AGBL1: variants seen among roughly 807,000 people sequenced by gnomAD.
The protein encoded by AGBL1 is AGBL carboxypeptidase 1, also known as cytosolic carboxypeptidase 4.
AGBL1 carries 130 observed loss-of-function variants against 118.9 expected under a neutral mutation model. The ratio of observed to expected loss-of-function variants is 1.09; its 90% CI spans 0.95 to 1.26. The LOEUF is 1.26. AGBL1 is among the 50% of genes most tolerant of loss of function. The pLI is 0.00. For synonymous variants in AGBL1, 555 were observed against 478.9 expected (o/e 1.16, Z -2.08); for missense variants, 1,584 against 1,298.1 (o/e 1.22, Z -3.38).
At chr15:86,095,568 T>C (rs534515244) in intron 1 of AGBL1, among the ~76,000 whole-genome samples, 1 of 151,696 alleles carries the variant, frequency 6.6e-6, no homozygotes, top group East Asian at 1.9e-4. Flanking sequence ...GTTAGAAGGA[T>C]TTTTCCGTGC....
chr15:86,469,027 T>C (rs1314668686), intron 18 of AGBL1, among the ~76,000 whole-genome samples: 1 of 152,222 alleles, frequency 6.6e-6, no homozygotes, highest in Non-Finnish European at 1.5e-5. Flanking sequence ...AATGGTTAAA[T>C]GCTTATCAGT....
chr15:86,315,178 G>A lies in AGBL1; in HGVS notation c.2374+19770G>A, dbSNP rs1414336921. On this transcript the variant is annotated intron_variant, in intron 17 of 22. Transcript: ENST00000614907. ...GCCATTTTAATACCCAGGGTAACCC[G>A]AAAGCCTTTCTAATGGTGAAACTCA... is the stretch of plus-strand genomic sequence containing the variant. Among the ~76,000 whole-genome samples the A allele has an allele frequency of 9.8e-5, 15 of 152,286 alleles. No individual in the cohort carries two copies. The East Asian group carries it at 1.4e-3, about 14-fold the overall frequency.
At chr15:86,950,214 A>T (rs187578292) in intron 23 of AGBL1, among the ~76,000 whole-genome samples, 107 of 151,966 alleles carry the variant, frequency 7.0e-4, no homozygotes, top group African/African-American at 2.1e-3. Flanking sequence ...ACAGTAACTT[A>T]TGTAACCATC....
intron 21 of AGBL1, among the ~76,000 whole-genome samples, chr15:86,625,964 A>G (rs1440376297): frequency 6.6e-6 from 1 of 152,202 alleles, no homozygotes; most frequent in Non-Finnish European, 1.5e-5. Context: ...CCAAGGAGAA[A>G]GTTTCAATTG....
At chr15:86,133,937 G>A (rs546275577) in intron 1 of AGBL1, among the ~76,000 whole-genome samples, 1 of 152,220 alleles carries the variant, frequency 6.6e-6, no homozygotes, top group South Asian at 2.1e-4. Context: ...TTTCTTATAT[G>A]TCTTCAGTAT....
intron 22 of AGBL1, among the ~76,000 whole-genome samples, chr15:86,851,371 C>A (rs2141459036): frequency 6.6e-6 from 1 of 152,150 alleles, no homozygotes. Flanking sequence ...TAGGAGGGGG[C>A]TTTAAACAGT....
rs1224786503 is a variant in AGBL1 at position 86,909,067 on chromosome 15, T to C, written c.*1773T>C. ...GTCACTGCATCTGCATCCCAGGCAG[T>C]AGCAAGAAGAACACAAAAAGAAATG... On this transcript the variant is annotated 3_prime_UTR_variant, in exon 23 of 23. Transcript: ENST00000614907. The C allele has an allele frequency of 6.6e-6, 1 of 152,204 alleles. No individual in the cohort carries two copies. 9.4% of individuals were successfully genotyped at this position (152,204 alleles called of 1,614,324 possible). A position where few individuals can be genotyped will look rare whatever the true frequency, so the allele number is the denominator to read the frequency against.
rs2079206357 is a variant in AGBL1, at chr15:86,838,944, A to AAAG, written c.3159-68141_3159-68140insGAA. ...CGGGCAACAGAATGAGATCCTGTAA[A>AAAG]AAAAAAAAAAAAAAAAAAAAAAGAA... On this transcript the variant is annotated intron_variant, in intron 22 of 22. Coordinates refer to ENST00000614907, the MANE Select transcript of AGBL1 (RefSeq NM_001386094.1). Among the ~76,000 whole-genome samples, 4 of 144,884 alleles carry AAAG rather than the reference A, an allele frequency of 2.8e-5. No homozygotes were observed. The South Asian group carries it at 8.6e-4, about 31-fold the overall frequency.
chr15:86,195,258 C>T (rs374518089), intron 5 of AGBL1, among the ~76,000 whole-genome samples: 2 of 152,004 alleles, frequency 1.3e-5, no homozygotes, highest in South Asian at 2.1e-4. Flanking sequence ...ATGATAACTC[C>T]TAGTTGAAGG....
At position 86,765,693 on chromosome 15, in the gene AGBL1, C is replaced by T. The variant is rs539188696; in HGVS notation, c.3158+91257C>T. Among the ~76,000 whole-genome samples, 5 of 151,928 alleles carry T rather than the reference C, an allele frequency of 3.3e-5. No homozygotes were observed. In the East Asian group the frequency reaches 5.9e-4, roughly 18 times the overall value. Reference sequence around the variant, plus strand: ...CTTGAGGTGAAGAATGACTAGACTTCGGCTTTTTTTTAAAAATTTTTAAAA... The same window carrying T: ...CTTGAGGTGAAGAATGACTAGACTTTGGCTTTTTTTTAAAAATTTTTAAAA... On this transcript the variant is annotated intron_variant, in intron 22 of 22. Transcript: ENST00000614907.
At chr15:86,902,464 A>G (rs1243206764) in intron 22 of AGBL1, among the ~76,000 whole-genome samples, 2 of 152,188 alleles carry the variant, frequency 1.3e-5, no homozygotes, top group African/African-American at 4.8e-5. Context: ...ACTTAGGAAA[A>G]GAAAAATCTA....
intron 18 of AGBL1, among the ~76,000 whole-genome samples, chr15:86,460,549 C>T (rs1257484291): frequency 6.6e-6 from 1 of 151,912 alleles, no homozygotes; most frequent in Non-Finnish European, 1.5e-5. Flanking sequence ...AACAATGGTT[C>T]TTGTTAAACA....
intron 22 of AGBL1, among the ~76,000 whole-genome samples, chr15:86,682,837 C>A (rs2085985579): frequency 6.6e-6 from 1 of 152,082 alleles, no homozygotes; most frequent in Non-Finnish European, 1.5e-5. Flanking sequence ...CTGTGCTAAG[C>A]ATTTTATAAA....
chr15:86,753,397 C>CTTTTTTTTTTTTTTTTTT (rs1555446759), intron 22 of AGBL1, among the ~76,000 whole-genome samples: 11 of 111,296 alleles, frequency 9.9e-5, no homozygotes, highest in East Asian at 2.6e-4. Flanking sequence ...TTTTCTTTTT[C>CTTTTTTTTTTTTTTTTTT]TTTTTTTTTT....
intron 24 of AGBL1, among the ~76,000 whole-genome samples, chr15:87,012,981 G>A (rs1411108732): frequency 6.6e-6 from 1 of 152,044 alleles, no homozygotes; most frequent in Non-Finnish European, 1.5e-5. Context: ...ACCTTGTCCT[G>A]GATGCGGTTG....
chr15:86,470,843 G>T (rs922575939), intron 18 of AGBL1, among the ~76,000 whole-genome samples: 5 of 151,912 alleles, frequency 3.3e-5, no homozygotes, highest in Admixed American at 3.3e-4. Context: ...TTAGTGTATA[G>T]AAATTTTACT....
intron 22 of AGBL1, among the ~76,000 whole-genome samples, chr15:86,768,298 A>G (rs532052844): frequency 6.6e-6 from 1 of 151,970 alleles, no homozygotes; most frequent in East Asian, 1.9e-4. Context: ...ATAGTTTAAC[A>G]TAACATAATA....
At chr15:86,143,451 C>A (rs148060268) in intron 2 of AGBL1, among the ~76,000 whole-genome samples, 2 of 152,164 alleles carry the variant, frequency 1.3e-5, no homozygotes, top group Non-Finnish European at 2.9e-5. Flanking sequence ...CAGATAAGCT[C>A]TATTTATTAC....
rs565350330 is a variant in AGBL1, at chr15:86,520,995, C to T, written c.2556-1815C>T. Among the ~76,000 whole-genome samples the T allele has an allele frequency of 2.1e-3, 314 of 152,010 alleles. 1 individual carries two copies. Among genetic ancestry groups the T allele is most frequent in the Non-Finnish European group, 3.7e-3 (250 of 67,992 alleles). Reference sequence around the variant, plus strand: ...TAAACTCTATTTCTAGATGTCATTGCTATTAAAAACAGAAAGGGAGAAAAA... The same window carrying T: ...TAAACTCTATTTCTAGATGTCATTGTTATTAAAAACAGAAAGGGAGAAAAA... On this transcript the variant is annotated intron_variant, in intron 18 of 22. Coordinates refer to ENST00000614907, the MANE Select transcript of AGBL1 (RefSeq NM_001386094.1).
Sources: gnomAD v4.1 joint callset for allele counts (sites outside exome capture counted in the v4.1 genomes callset) on GRCh38, gnomAD v4.1.1 for gene constraint, MANE v1.5 for transcripts, NCBI Gene and HGNC (gene_info 2026-07-23, HGNC 2026-07-21) for gene names.